Variants in TTBK1 observed in about 807,000 individuals in gnomAD.
The protein encoded by TTBK1 is tau-tubulin kinase 1.
TTBK1 carries 34 observed loss-of-function variants against 108.5 expected under a neutral mutation model. The ratio of observed to expected loss-of-function variants is 0.31; its 90% CI spans 0.24 to 0.42. The LOEUF (loss-of-function observed/expected upper bound fraction) is 0.42. TTBK1 is among the 10% of genes least tolerant of loss of function. The pLI is 1.00. For synonymous variants in TTBK1, 809 were observed against 795.1 expected (o/e 1.02, Z -0.29); for missense variants, 1,539 against 1,826.0 (o/e 0.84, Z 2.86).
chr6:43,266,019 C>T (rs1777667981), intron 13 of TTBK1, among the ~76,000 whole-genome samples: 1 of 152,164 alleles, frequency 6.6e-6, no homozygotes, highest in African/African-American at 2.4e-5. Flanking sequence ...CAGGCCGATT[C>T]TGTAATCAGT....
intron 12 of TTBK1, among the ~76,000 whole-genome samples, chr6:43,260,483 T>G (rs1015596135): frequency 1.3e-5 from 2 of 152,166 alleles, no homozygotes; most frequent in African/African-American, 2.4e-5. Context: ...ATAGGAGGGG[T>G]ATCCTTTCTG....
intron 13 of TTBK1, among the ~76,000 whole-genome samples, chr6:43,264,720 G>C (rs550922975): frequency 6.6e-6 from 1 of 152,208 alleles, no homozygotes; most frequent in African/African-American, 2.4e-5. Flanking sequence ...GCAGCAGGGA[G>C]GAGTGGGAAG....
At position 43,283,302 on chromosome 6, in the gene TTBK1, C is replaced by G. The variant is rs758100943; in HGVS notation, c.2562C>G (p.Ala854=). ...MKKSPVTAEL[A]PDPDLGTLAA... ...AGTCGCCCGTCACTGCCGAACTGGCCCCCGACCCCGACCTGGGCACCCTGG... is the reference window on the plus strand; with the variant it reads ...AGTCGCCCGTCACTGCCGAACTGGCGCCCGACCCCGACCTGGGCACCCTGG... The change falls in exon 14 of 15, where the codon GCC becomes GCG. Residue 854 remains alanine, a synonymous_variant. Coordinates refer to ENST00000259750, the MANE Select transcript of TTBK1 (RefSeq NM_032538.3). The surrounding 1 kb of genome is among the most constrained non-coding windows in gnomAD (Gnocchi z 8.1). 2 of 1,574,772 alleles carry G rather than the reference C, an allele frequency of 1.3e-6. No individual in the cohort carries two copies. The highest frequency in any genetic ancestry group is 1.7e-6 in the Non-Finnish European group (2 of 1,160,208).
chr6:43,245,938 C>CA (rs1421697765), intron 1 of TTBK1, among the ~76,000 whole-genome samples: 1 of 152,208 alleles, frequency 6.6e-6, no homozygotes, highest in African/African-American at 2.4e-5. Context: ...TTGAGTCCAT[C>CA]ACCTGTGTTC....
At chr6:43,272,584 G>C in intron 13 of TTBK1, 2 of 985,414 alleles carry the variant, frequency 2.0e-6, no homozygotes, top group Non-Finnish European at 2.4e-6. Flanking sequence ...CCTCCATGGT[G>C]GAGGGGAGAG....
At chr6:43,256,346 G>GC in intron 9 of TTBK1, among the ~76,000 whole-genome samples, 1 of 152,146 alleles carries the variant, frequency 6.6e-6, no homozygotes, top group East Asian at 2.0e-4. Context: ...ATGTTGGCCA[G>GC]GTGAACTCAA....
Position 43,282,942 on chromosome 6 carries a change from AGAG to A in TTBK1, c.2217_2219del (p.Glu740del), listed in dbSNP as rs752058712. 408 of 1,560,878 alleles carry A rather than the reference AGAG, an allele frequency of 2.6e-4. 2 individuals are homozygous for A. In the South Asian group the frequency reaches 2.8e-3, roughly 11 times the overall value. On this transcript the variant is annotated inframe_deletion, in exon 14 of 15. Coordinates refer to ENST00000259750, the MANE Select transcript of TTBK1 (RefSeq NM_032538.3). This position sits in a 1 kb window ranked among gnomAD's most constrained non-coding sequence, Gnocchi z 5.4. ...AGCCTCAGGCTAATGGGAAGGAGGA[AGAG>A]GAGGAGGAGGAGGAAGATGAGGAAG...
chr6:43,252,742 A>G lies in TTBK1; in HGVS notation c.112A>G (p.Lys38Glu). ...YVVKDRWKVL[K>E]KIGGGGFGEI... ...CCCTATCCCCTCATCTTCATAGCTG[A>G]AAAAGATCGGGGGCGGGGGCTTTGG... Residue 38 changes from lysine to glutamate, a missense_variant, in exon 3 of 15, where the codon AAA becomes GAA. Physicochemically the swap from Lys to Glu is moderately conservative, Grantham distance 56. Transcript: ENST00000259750. The G allele has an allele frequency of 6.2e-7, 1 of 1,613,906 alleles. No homozygotes were observed. The highest frequency in any genetic ancestry group is 8.5e-7 in the Non-Finnish European group (1 of 1,179,952).
At position 43,285,551 on chromosome 6, in the gene TTBK1, G is replaced by A; in HGVS notation, c.*175G>A. On this transcript the variant is annotated 3_prime_UTR_variant, in exon 15 of 15. Transcript: ENST00000259750. This position sits in a 1 kb window ranked among gnomAD's most constrained non-coding sequence, Gnocchi z 4.7. ...GCGAGCACACGCGGCGCCCCGCCAGGCCTTAGGGCCCGTGGGGGACGCGGC... is the reference window on the plus strand; with the variant it reads ...GCGAGCACACGCGGCGCCCCGCCAGACCTTAGGGCCCGTGGGGGACGCGGC... The A allele has an allele frequency of 1.2e-6, 1 of 822,978 alleles. No homozygotes were observed. Among genetic ancestry groups the A allele is most frequent in the Non-Finnish European group, 1.6e-6 (1 of 623,310 alleles). The allele number at this position is 822,978 out of a possible 1,614,324, so 51.0% of individuals were successfully genotyped here. A position where few individuals can be genotyped will look rare whatever the true frequency, so the allele number is the denominator to read the frequency against.
Position 43,282,654 on chromosome 6 carries a change from G to T in TTBK1, c.1987-73G>T. ...TGGGCCTGTGAGTCTCCTAGGTTGT[G>T]GGTGCAGCTGAAGTCTTCCTGGGCC... On this transcript the variant is annotated intron_variant, in intron 13 of 14. Transcript: ENST00000259750. This position sits in a 1 kb window ranked among gnomAD's most constrained non-coding sequence, Gnocchi z 5.4. 7.7e-7 allele frequency: 1 copy of T among 1,294,384 alleles called. No individual in the cohort carries two copies. The highest frequency in any genetic ancestry group is 1.4e-5 in the South Asian group (1 of 72,744). The allele number at this position is 1,294,384 out of a possible 1,614,324, so 80.2% of individuals were successfully genotyped here.
intron 13 of TTBK1, among the ~76,000 whole-genome samples, chr6:43,275,393 T>A (rs1326640836): frequency 6.7e-6 from 1 of 149,612 alleles, no homozygotes; most frequent in African/African-American, 2.4e-5. Context: ...CCCGTTTTCG[T>A]TTGCTTTTCC....
intron 1 of TTBK1, among the ~76,000 whole-genome samples, chr6:43,245,825 T>C (rs1777070530): frequency 6.6e-6 from 1 of 152,180 alleles, no homozygotes. Flanking sequence ...TCACTTCTCC[T>C]GCCTCCTGCT....
chr6:43,270,039 C>G (rs1430371598), intron 13 of TTBK1: 1 of 1,422,210 alleles, frequency 7.0e-7, no homozygotes, highest in African/African-American at 1.5e-5. Context: ...ACGCAATAAT[C>G]ACACACTCAC....
intron 1 of TTBK1, among the ~76,000 whole-genome samples, chr6:43,245,404 G>T (rs1055889717): frequency 1.3e-5 from 2 of 152,054 alleles, no homozygotes; most frequent in Non-Finnish European, 2.9e-5. Flanking sequence ...TCCTGGGTTG[G>T]CAGAAATCTC....
At chr6:43,258,028 G>A (rs924705198) in intron 10 of TTBK1, 62 bp downstream of exon 10, 31 of 1,548,090 alleles carry the variant, frequency 2.0e-5, no homozygotes, top group Middle Eastern at 1.8e-4. Context: ...GAGGGCAGGC[G>A]GTCCTCTCCT....
chr6:43,281,446 G>A (rs1778160006), intron 13 of TTBK1, among the ~76,000 whole-genome samples: 1 of 151,912 alleles, frequency 6.6e-6, no homozygotes, highest in Non-Finnish European at 1.5e-5. Context: ...TTGAAGCAGA[G>A]AGAGATGGAA....
At chr6:43,252,927 G>A in intron 3 of TTBK1, 41 bp downstream of exon 3, 2 of 1,607,598 alleles carry the variant, frequency 1.2e-6, no homozygotes, top group Non-Finnish European at 1.7e-6. Context: ...AAGAGATGAT[G>A]AAGCCAGGGG....
In TTBK1 at chr6:43,246,601, C is replaced by T. The variant is rs1303828302; in HGVS notation, c.-54-6C>T. 2.1e-6 allele frequency: 3 copies of T among 1,414,612 alleles called. No homozygotes were observed. The highest frequency in any genetic ancestry group is 2.9e-6 in the Non-Finnish European group (3 of 1,026,474). The allele number at this position is 1,414,612 out of a possible 1,614,324, so 87.6% of individuals were successfully genotyped here. A position where few individuals can be genotyped will look rare whatever the true frequency, so the allele number is the denominator to read the frequency against. ...CCGCCCTCACAGGCCCTCCTCACTC[C>T]CCTAGGTAGATGGCCCCCTCAGGGC... is the stretch of plus-strand genomic sequence containing the variant. On this transcript the variant is annotated splice_region_variant and splice_polypyrimidine_tract_variant and intron_variant, in intron 1 of 14. Transcript: ENST00000259750.
chr6:43,247,600 G>C (rs543620852), intron 2 of TTBK1, among the ~76,000 whole-genome samples: 1 of 152,206 alleles, frequency 6.6e-6, no homozygotes, highest in African/African-American at 2.4e-5. Context: ...AGGGGGAGGG[G>C]AGGGAGAACA....
Sources: gnomAD v4.1 joint callset for allele counts (sites outside exome capture counted in the v4.1 genomes callset) on GRCh38, gnomAD v4.1.1 for gene constraint, Gnocchi (gnomAD v3.1) non-coding constraint, MANE v1.5 for transcripts, NCBI Gene and HGNC (gene_info 2026-07-23, HGNC 2026-07-21) for gene names.